The following ASTE1 variants were observed in gnomAD, a reference collection of about 807,000 sequenced individuals.
ASTE1 encodes the protein asteroid structure-specific endonuclease 1.
In ASTE1, 49 loss-of-function variants were observed where a neutral mutation model predicts 45.8. The ratio of observed to expected loss-of-function variants is 1.07; its 90% confidence interval spans 0.85 to 1.36. ASTE1 has a LOEUF of 1.36. Among genes scored for constraint, ASTE1 ranks in the 40% most tolerant of loss-of-function variants. The pLI, the probability that ASTE1 is intolerant of heterozygous loss-of-function variation, is 0.00. For missense variants in ASTE1, 709 were observed against 804.0 expected, an observed-to-expected ratio of 0.88 and a Z score of 1.43; for synonymous variants, 296 against 303.9, an observed-to-expected ratio of 0.97 and a Z score of 0.27.
At chr3:131,022,431 G>A (rs1298190324) in intron 3 of ASTE1, among the ~76,000 whole-genome samples, 3 of 151,844 alleles carry the variant, frequency 2.0e-5, no homozygotes, top group Non-Finnish European at 4.4e-5. Context: ...TCCTGGGCTC[G>A]AGCAATCCTC....
intron 5 of ASTE1, 28 bp downstream of exon 5, chr3:131,016,116 C>T: frequency 1.2e-6 from 2 of 1,609,610 alleles, no homozygotes; most frequent in Non-Finnish European, 1.7e-6. Flanking sequence ...GTGCTTCCAT[C>T]TGAACTAAAG....
rs748271838 is a variant in ASTE1, at chr3:131,024,966, A to G, written c.341T>C (p.Val114Ala). 9.3e-5 allele frequency: 149 copies of G among 1,608,296 alleles called. 1 individual carries two copies. Among genetic ancestry groups the G allele is most frequent in the Admixed American group, 1.8e-4 (11 of 59,570 alleles). ...TACTTCCCGGATGAGTAAGGGACATACGTACCCACTCCCACCAACAGAAAG... is the reference window on the plus strand; with the variant it reads ...TACTTCCCGGATGAGTAAGGGACATGCGTACCCACTCCCACCAACAGAAAG... ...HSLSVGGSGYVCPLLIREVFI... is the reference protein window; with the variant it reads ...HSLSVGGSGYACPLLIREVFI... The change falls in exon 3 of 6, where the codon GTA (valine) becomes GCA (alanine). Residue 114 changes from valine (V) to alanine (A), a missense_variant. Physicochemically the swap from Val to Ala is moderately conservative, Grantham distance 64 (BLOSUM62 0). Coordinates refer to ENST00000264992, the MANE Select transcript of ASTE1 (RefSeq NM_014065.4).
chr3:131,014,313 CT>C lies in ASTE1; in HGVS notation c.1783del (p.Ser595AlafsTer70). ...AAGTTGCTTAGCCTCAGGACATATG[CT>C]CAGGAGACTTTCTACAGAGGTCGAT... Reference protein sequence around the residue: ...LASTSVESLLSICPEAKQLYE... With the variant: ...LASTSVESLLXICPEAKQLYE... On this transcript the variant is annotated frameshift_variant, in exon 6 of 6. Transcript: ENST00000264992. LOFTEE classifies it low-confidence loss of function (END_TRUNC). 1 of 1,613,848 alleles carries C rather than the reference CT, an allele frequency of 6.2e-7. No individual in the cohort carries two copies. Among genetic ancestry groups the C allele is most frequent in the Middle Eastern group, 1.7e-4 (1 of 6,060 alleles).
Position 131,024,003 on chromosome 3 carries a change from A to G in ASTE1, c.1302+2T>C, listed in dbSNP as rs143502263. 6 of 1,579,826 alleles carry G rather than the reference A, an allele frequency of 3.8e-6. No homozygotes were observed. The highest frequency in any genetic ancestry group is 1.7e-4 in the Middle Eastern group (1 of 5,770). On this transcript the variant is annotated splice_donor_variant, in intron 3 of 5. Coordinates refer to ENST00000264992, the MANE Select transcript of ASTE1 (RefSeq NM_014065.4). LOFTEE classifies it high-confidence loss of function. ...AATTTCATTAGTATTACAAATACTTACCTCAGTCAATCTGCTTAAGTCAGA... is the reference window on the plus strand; with the variant it reads ...AATTTCATTAGTATTACAAATACTTGCCTCAGTCAATCTGCTTAAGTCAGA...
chr3:131,016,340 C>T lies in ASTE1; in HGVS notation c.1514-1G>A. The T allele has an allele frequency of 6.2e-7, 1 of 1,614,146 alleles. No homozygotes were observed. The highest frequency in any genetic ancestry group is 8.5e-7 in the Non-Finnish European group (1 of 1,180,040). On this transcript the variant is annotated splice_acceptor_variant, in intron 4 of 5. Transcript: ENST00000264992. LOFTEE classifies it high-confidence loss of function. ...CCATCTTCCTGCAGCTCTTCCTTAC[C>T]TAAATAAAGAAACAGCCCAAGGGCA... is the stretch of plus-strand genomic sequence containing the variant.
At chr3:131,015,636 T>A (rs2109071608) in intron 5 of ASTE1, among the ~76,000 whole-genome samples, 1 of 152,272 alleles carries the variant, frequency 6.6e-6, no homozygotes, top group South Asian at 2.1e-4. Flanking sequence ...TGAGATTCTG[T>A]TTTTGTCCCT....
At chr3:131,019,264 G>A (rs577609876) in intron 3 of ASTE1, among the ~76,000 whole-genome samples, 5 of 152,264 alleles carry the variant, frequency 3.3e-5, no homozygotes, top group African/African-American at 1.2e-4. Flanking sequence ...ATTTGTTTGG[G>A]TCCTGTCTCA....
chr3:131,014,101 C>T lies in ASTE1; in HGVS notation c.1996G>A (p.Val666Ile), dbSNP rs958784050. 6.2e-7 allele frequency: 1 copy of T among 1,604,670 alleles called. No individual in the cohort carries two copies. Residue 666 changes from valine (V) to isoleucine (I), a missense_variant, in exon 6 of 6, where the codon GTT (valine) becomes ATT (isoleucine). Coordinates refer to ENST00000264992, the MANE Select transcript of ASTE1 (RefSeq NM_014065.4). ...TCACTATGTTCCTCTAAGTTTTCAA[C>T]CATTAACAACCCAAACCGGTTGTTT... is the stretch of plus-strand genomic sequence containing the variant. ...EGNNRFGLLM[V>I]ENLEEHSEAS...
At chr3:131,014,950 A>G (rs2063527350) in intron 5 of ASTE1, among the ~76,000 whole-genome samples, 1 of 152,208 alleles carries the variant, frequency 6.6e-6, no homozygotes, top group East Asian at 1.9e-4. Flanking sequence ...TTCAAGAACA[A>G]TCCTGCTGTT....
intron 5 of ASTE1, among the ~76,000 whole-genome samples, chr3:131,015,475 T>G (rs2109069923): frequency 6.6e-6 from 1 of 152,336 alleles, no homozygotes; most frequent in East Asian, 1.9e-4. Flanking sequence ...CATACCCAGC[T>G]TAAACTCCAC....
At chr3:131,016,525 T>A in intron 4 of ASTE1, 186 bp from the exon 5 acceptor site, 1 of 682,078 alleles carries the variant, frequency 1.5e-6, no homozygotes, top group African/African-American at 1.8e-5. Flanking sequence ...ACTGTCTTTT[T>A]AATGATGACC....
rs1418804317 is a variant in ASTE1, at chr3:131,025,287, A to G, written c.20T>C (p.Met7Thr). 3 of 1,613,138 alleles carry G rather than the reference A, an allele frequency of 1.9e-6. No homozygotes were observed. The highest frequency in any genetic ancestry group is 1.1e-5 in the South Asian group (1 of 91,010). ...ATTACTATGATCTTCCACAAAACTC[A>G]TTAGTCCTCGGATACCCATGATGAC... MGIRGL[M>T]SFVEDHSNEF... The change falls in exon 3 of 6, where the codon ATG becomes ACG. Residue 7 changes from methionine (M) to threonine (T), a missense_variant. By Grantham distance (81) the Met-to-Thr change is moderately conservative. Coordinates refer to ENST00000264992, the MANE Select transcript of ASTE1 (RefSeq NM_014065.4).
At chr3:131,022,353 A>G (rs899628785) in intron 3 of ASTE1, among the ~76,000 whole-genome samples, 3 of 152,124 alleles carry the variant, frequency 2.0e-5, no homozygotes, top group Admixed American at 6.5e-5. Context: ...GGTTTAGTGT[A>G]TATATATTTT....
chr3:131,014,408 G>T, intron 5 of ASTE1, 21 bp from the exon 6 acceptor site: 1 of 1,540,692 alleles, frequency 6.5e-7, no homozygotes, highest in Non-Finnish European at 8.7e-7. Flanking sequence ...CAAGAAAAAA[G>T]TATGTTGTTA....
chr3:131,019,008 G>C (rs1017327281), intron 3 of ASTE1, among the ~76,000 whole-genome samples: 56 of 152,130 alleles, frequency 3.7e-4, no homozygotes, highest in African/African-American at 1.3e-3. Context: ...CACCTGGGAA[G>C]CTCATTAAAA....
chr3:131,023,885 G>T, intron 3 of ASTE1, 120 bp downstream of exon 3: 1 of 1,037,016 alleles, frequency 9.6e-7, no homozygotes, highest in Non-Finnish European at 1.3e-6. Context: ...GCTACGACAT[G>T]AGGGCAAGAT....
At chr3:131,016,916 C>A in intron 4 of ASTE1, 1 of 1,054,670 alleles carries the variant, frequency 9.5e-7, no homozygotes, top group Middle Eastern at 2.4e-4. Flanking sequence ...CTGTAAGTTT[C>A]TACAGATTTG....
chr3:131,016,578 A>C, intron 4 of ASTE1: 1 of 539,354 alleles, frequency 1.9e-6, no homozygotes, highest in Non-Finnish European at 3.3e-6. Context: ...TCCCTGAAAT[A>C]AGATCTTTTC....
In ASTE1 at chr3:131,024,148, G is replaced by A. The variant is rs770294493; in HGVS notation, c.1159C>T (p.Leu387=). The A allele has an allele frequency of 5.6e-6, 9 of 1,614,080 alleles. No homozygotes were observed. In the Admixed American group the frequency reaches 1.0e-4, roughly 18 times the overall value. ...YGLLLNASPH[L]DKTSWNALPP... The stretch of plus-strand genomic sequence containing the variant: ...AATGCATTCCAGGATGTCTTGTCCA[G>A]ATGTGGTGAGGCATTTAAAAGAAGC... Residue 387 remains leucine (L), a synonymous_variant, in exon 3 of 6, where the codon CTG becomes TTG. Coordinates refer to ENST00000264992, the MANE Select transcript of ASTE1 (RefSeq NM_014065.4).
Sources: allele counts gnomAD v4.1 joint callset (sites outside exome capture counted in the v4.1 genomes callset), GRCh38; gene constraint gnomAD v4.1.1; transcripts MANE v1.5; gene names NCBI Gene and HGNC (gene_info 2026-07-23, HGNC 2026-07-21).